ANK2: variants seen among roughly 807,000 people sequenced by gnomAD.
The protein encoded by ANK2 is ankyrin-2.
Under a neutral mutation model 360.5 loss-of-function variants are expected in ANK2, and 83 were observed. The observed-to-expected ratio is 0.23, with a 90% CI of 0.19 to 0.28. ANK2 has a LOEUF of 0.28. Ranked by LOEUF, ANK2 falls within the 10% of genes least tolerant of loss-of-function variation. The probability of loss-of-function intolerance (pLI) is 1.00; values close to 1 mark genes in which losing one functional copy is unlikely to be tolerated. For synonymous variants in ANK2, 1,740 were observed against 1,759.5 expected (o/e 0.99, Z 0.28); for missense variants, 4,201 against 4,795.7 (o/e 0.88, Z 3.66).
At chr4:113,360,730 G>T (rs2096156239) in intron 38 of ANK2, 93 bp from the exon 39 acceptor site, 2 of 1,112,284 alleles carry the variant, frequency 1.8e-6, no homozygotes, top group African/African-American at 3.1e-5. Flanking sequence ...CAAATATTTG[G>T]AGAAGTGACT....
the ANK2 span, among the ~76,000 whole-genome samples, chr4:112,767,428 G>T: frequency 5.3e-5 from 8 of 152,086 alleles, no homozygotes; most frequent in African/African-American, 1.9e-4. Context: ...GGGTGTGGTG[G>T]CATGTGTCTG....
At chr4:113,326,870 T>A (rs995566627) in intron 26 of ANK2, among the ~76,000 whole-genome samples, 1 of 152,026 alleles carries the variant, frequency 6.6e-6, no homozygotes, top group Non-Finnish European at 1.5e-5. Context: ...CCAGGTGCAA[T>A]GATGCTGCCT....
At chr4:113,370,562 A>G (rs1050200687) in intron 43 of ANK2, among the ~76,000 whole-genome samples, 1 of 152,092 alleles carries the variant, frequency 6.6e-6, no homozygotes. Flanking sequence ...GATCGAGACC[A>G]TCCTGGCTAA....
chr4:112,775,064 T>C, the ANK2 span, among the ~76,000 whole-genome samples: 1 of 152,074 alleles, frequency 6.6e-6, no homozygotes, highest in Non-Finnish European at 1.5e-5. Flanking sequence ...GATGCTTTTG[T>C]GTTTGGACCA....
chr4:112,724,556 T>TACACAC, the ANK2 span, among the ~76,000 whole-genome samples: 31,281 of 141,524 alleles, frequency 0.22, 3,860 homozygotes, highest in Middle Eastern at 0.3. Context: ...CACACACACA[T>TACACAC]ACACACACAC....
intron 1 of ANK2, chr4:113,117,489 A>G (rs928202251): frequency 1.8e-4 from 79 of 441,974 alleles, no homozygotes; most frequent in Middle Eastern, 3.3e-4. Context: ...AGAACTGGCA[A>G]CTTCATCCTC....
intron 2 of ANK2, among the ~76,000 whole-genome samples, chr4:112,948,394 G>GT (rs779094434): frequency 0.011 from 1,667 of 149,164 alleles, 15 homozygotes; most frequent in Middle Eastern, 0.018. Flanking sequence ...AGTTGAACAT[G>GT]TTTTTTTTTT....
the ANK2 span, among the ~76,000 whole-genome samples, chr4:112,785,429 A>G: frequency 6.6e-6 from 1 of 151,262 alleles, no homozygotes; most frequent in Non-Finnish European, 1.5e-5. Context: ...GCTGGAGTGC[A>G]GTAGCATGAT....
chr4:112,873,377 T>A (rs1255329607), intron 1 of ANK2, among the ~76,000 whole-genome samples: 1 of 151,992 alleles, frequency 6.6e-6, no homozygotes, highest in Non-Finnish European at 1.5e-5. Flanking sequence ...TTTCACTGCA[T>A]TTCTTAAGTT....
chr4:112,936,850 G>C (rs142373092), intron 2 of ANK2, among the ~76,000 whole-genome samples: 1 of 152,032 alleles, frequency 6.6e-6, no homozygotes, highest in Non-Finnish European at 1.5e-5. Flanking sequence ...GTGCAGTGGC[G>C]TGATCATAGC....
intron 23 of ANK2, among the ~76,000 whole-genome samples, chr4:113,309,663 T>G (rs1242206005): frequency 6.6e-6 from 1 of 151,938 alleles, no homozygotes; most frequent in Non-Finnish European, 1.5e-5. Flanking sequence ...GGAATACAGG[T>G]GCATGACACC....
chr4:113,169,735 G>A (rs962372847), intron 1 of ANK2, among the ~76,000 whole-genome samples: 3 of 152,108 alleles, frequency 2.0e-5, no homozygotes, highest in African/African-American at 7.2e-5. Flanking sequence ...GACCTCCAGT[G>A]TTATTTTTAT....
At chr4:113,083,900 A>G (rs1346786020) in intron 1 of ANK2, among the ~76,000 whole-genome samples, 2 of 152,228 alleles carry the variant, frequency 1.3e-5, no homozygotes, top group African/African-American at 4.8e-5. Context: ...CTGCCATAAC[A>G]TAGAAGCATA....
At chr4:112,777,858 T>TC in the ANK2 span, among the ~76,000 whole-genome samples, 57 of 151,778 alleles carry the variant, frequency 3.8e-4, no homozygotes, top group African/African-American at 1.2e-3. Context: ...CCTCAGGTGA[T>TC]CCGCCCGCCT....
chr4:113,285,054 T>C (rs935683948), intron 18 of ANK2, among the ~76,000 whole-genome samples: 19 of 152,200 alleles, frequency 1.2e-4, no homozygotes, highest in African/African-American at 4.6e-4. Flanking sequence ...AGATCCGTCG[T>C]TGGGTCCACC....
At chr4:113,295,580 TTTC>T (rs2070826924) in intron 22 of ANK2, among the ~76,000 whole-genome samples, 1 of 152,178 alleles carries the variant, frequency 6.6e-6, no homozygotes, top group Admixed American at 6.5e-5. Flanking sequence ...GTGAGCTTTT[TTTC>T]TTTTCTGGTA....
Position 113,128,651 on chromosome 4 carries a change from A to T in ANK2, c.85-45765A>T, listed in dbSNP as rs537240493. Among the ~76,000 whole-genome samples, 3 of 152,110 alleles carry T rather than the reference A, an allele frequency of 2.0e-5. No homozygotes were observed. The South Asian group carries it at 6.2e-4, about 32-fold the overall frequency. ...ATTACAGGCACCTGCCACTACGCCCAGCTAATTTTTTGTATTTTTAGTAGA... is the reference window on the plus strand; with the variant it reads ...ATTACAGGCACCTGCCACTACGCCCTGCTAATTTTTTGTATTTTTAGTAGA... On this transcript the variant is annotated intron_variant, in intron 1 of 45. Coordinates refer to ENST00000357077, the MANE Select transcript of ANK2 (RefSeq NM_001148.6).
At chr4:112,965,965 C>G (rs1489898096) in intron 2 of ANK2, among the ~76,000 whole-genome samples, 1 of 151,418 alleles carries the variant, frequency 6.6e-6, no homozygotes, top group Non-Finnish European at 1.5e-5. Context: ...TTAATAGAAA[C>G]AAATGTTGCA....
At chr4:112,728,436 C>A in the ANK2 span, among the ~76,000 whole-genome samples, 2 of 151,112 alleles carry the variant, frequency 1.3e-5, no homozygotes, top group African/African-American at 4.9e-5. Flanking sequence ...TAGACACACA[C>A]AATCTACTAA....
Sources: allele counts gnomAD v4.1 joint callset (sites outside exome capture counted in the v4.1 genomes callset), GRCh38; gene constraint gnomAD v4.1.1; transcripts MANE v1.5; gene names NCBI Gene and HGNC (gene_info 2026-07-23, HGNC 2026-07-21).